The following SLC24A3 variants were observed in gnomAD, a reference collection of about 807,000 sequenced individuals.
SLC24A3 encodes the protein sodium/potassium/calcium exchanger 3.
In SLC24A3, 28 loss-of-function variants were observed where a neutral mutation model predicts 75.8. That is an observed-to-expected ratio of 0.37 (90% CI 0.27 to 0.51). The LOEUF is 0.51. Ranked by LOEUF, SLC24A3 falls within the 20% of genes least tolerant of loss-of-function variation. The pLI, the probability that SLC24A3 is intolerant of heterozygous loss-of-function variation, is 0.94. For synonymous variants in SLC24A3, 372 were observed against 334.1 expected, an observed-to-expected ratio of 1.11 and a Z score of -1.24; for missense variants, 663 against 847.8, an observed-to-expected ratio of 0.78 and a Z score of 2.71.
chr20:19,218,050 C>G (rs926473385), intron 1 of SLC24A3, among the ~76,000 whole-genome samples: 1 of 152,098 alleles, frequency 6.6e-6, no homozygotes, highest in Non-Finnish European at 1.5e-5. Context: ...CTCTGTACCC[C>G]AGTCACTGGC....
intron 3 of SLC24A3, among the ~76,000 whole-genome samples, chr20:19,570,614 A>G (rs2122621364): frequency 6.6e-6 from 1 of 152,324 alleles, no homozygotes; most frequent in South Asian, 2.1e-4. Flanking sequence ...TACTTTGTTA[A>G]TACATTGGAT....
At chr20:19,461,219 A>C (rs1987665016) in intron 2 of SLC24A3, among the ~76,000 whole-genome samples, 1 of 152,196 alleles carries the variant, frequency 6.6e-6, no homozygotes, top group South Asian at 2.1e-4. Flanking sequence ...GCCAAGCCTG[A>C]GTTCACTCCA....
At chr20:19,326,994 G>T (rs1218401605) in intron 2 of SLC24A3, among the ~76,000 whole-genome samples, 1 of 152,196 alleles carries the variant, frequency 6.6e-6, no homozygotes, top group Non-Finnish European at 1.5e-5. Context: ...CTGGGAAAGA[G>T]TTGCGGCCTT....
At chr20:19,393,016 G>T (rs557222044) in intron 2 of SLC24A3, among the ~76,000 whole-genome samples, 10 of 152,136 alleles carry the variant, frequency 6.6e-5, no homozygotes, top group African/African-American at 1.9e-4. Flanking sequence ...ATCACACCTG[G>T]TTATCCTCAA....
chr20:19,661,272 T>C (rs2032323278), intron 7 of SLC24A3, among the ~76,000 whole-genome samples: 1 of 152,202 alleles, frequency 6.6e-6, no homozygotes, highest in South Asian at 2.1e-4. Flanking sequence ...GGTCATTTTT[T>C]CCCTGCCCTT....
intron 2 of SLC24A3, among the ~76,000 whole-genome samples, chr20:19,297,531 T>C (rs1984090214): frequency 6.6e-6 from 1 of 152,238 alleles, no homozygotes; most frequent in East Asian, 1.9e-4. Flanking sequence ...TGCTTTTGGA[T>C]GTAAGGCTTC....
intron 2 of SLC24A3, among the ~76,000 whole-genome samples, chr20:19,495,591 T>C (rs3790229): frequency 0.45 from 67,746 of 152,010 alleles, 15,563 homozygotes; most frequent in African/African-American, 0.55. Context: ...ACAGCTTCCC[T>C]CAGGAAAGGC....
At chr20:19,283,579 C>A (rs1234217538) in intron 2 of SLC24A3, among the ~76,000 whole-genome samples, 1 of 152,180 alleles carries the variant, frequency 6.6e-6, no homozygotes, top group Non-Finnish European at 1.5e-5. Flanking sequence ...TCCTGTCTTT[C>A]CAGCCCAATT....
chr20:19,595,409 A>G lies in SLC24A3; in HGVS notation c.612+9865A>G, dbSNP rs1349649312. ...CAGGGCAGGGGAGGATGAGTATATG[A>G]TCAGAGTTCACAGGGCCCTTCAGCT... On this transcript the variant is annotated intron_variant, in intron 6 of 16. Transcript: ENST00000328041. Among the ~76,000 whole-genome samples the G allele has an allele frequency of 1.3e-5, 2 of 152,124 alleles. 1 individual carries two copies. The highest frequency in any genetic ancestry group is 3.9e-4 in the East Asian group (2 of 5,180).
At chr20:19,482,296 TCTC>T (rs1183776646) in intron 2 of SLC24A3, among the ~76,000 whole-genome samples, 17 of 151,998 alleles carry the variant, frequency 1.1e-4, no homozygotes, top group African/African-American at 4.1e-4. Flanking sequence ...CAAGCCTCAT[TCTC>T]CTTCTTCAGC....
chr20:19,253,926 G>A (rs1272834696), intron 1 of SLC24A3, among the ~76,000 whole-genome samples: 2 of 152,170 alleles, frequency 1.3e-5, no homozygotes. Context: ...AGAGGACCCA[G>A]TGGGAGACAG....
intron 6 of SLC24A3, among the ~76,000 whole-genome samples, chr20:19,623,053 C>T (rs1050428491): frequency 1.3e-5 from 2 of 152,226 alleles, no homozygotes; most frequent in African/African-American, 4.8e-5. Context: ...ACCTCCAACA[C>T]TGGAGATCAA....
rs368651686 is a variant in SLC24A3 at position 19,502,868 on chromosome 20, CAAAAA to C, written c.272-12601_272-12597del. On this transcript the variant is annotated intron_variant, in intron 2 of 16. Transcript: ENST00000328041. ...TGACATAGCAAGACCCTGTCTCTAC[CAAAAA>C]AAAAAAAAAAAAAAAAAATAGCTGG... 4.8e-4 allele frequency among the ~76,000 whole-genome samples: 35 copies of C among 72,206 alleles called. No homozygotes were observed. In the East Asian group the frequency reaches 6.7e-3, roughly 14 times the overall value. 47.4% of individuals were successfully genotyped at this position (72,206 alleles called of 152,430 possible). A position where few individuals can be genotyped will look rare whatever the true frequency, so the allele number is the denominator to read the frequency against.
intron 2 of SLC24A3, among the ~76,000 whole-genome samples, chr20:19,513,225 T>G (rs564082132): frequency 6.6e-6 from 1 of 152,194 alleles, no homozygotes; most frequent in African/African-American, 2.4e-5. Flanking sequence ...CAGAATGGAA[T>G]TGCAGATCCA....
At chr20:19,642,964 T>C (rs746784349) in intron 6 of SLC24A3, among the ~76,000 whole-genome samples, 8 of 152,220 alleles carry the variant, frequency 5.3e-5, no homozygotes, top group Admixed American at 1.3e-4. Flanking sequence ...GAAATGTCCT[T>C]GTGTTCGATT....
chr20:19,386,630 C>T (rs6136701), intron 2 of SLC24A3, among the ~76,000 whole-genome samples: 35,007 of 151,998 alleles, frequency 0.23, 7,773 homozygotes, highest in African/African-American at 0.56. Context: ...TGAAAGGATG[C>T]CAGACTTTGT....
intron 2 of SLC24A3, among the ~76,000 whole-genome samples, chr20:19,316,624 G>A (rs5007256): frequency 0.089 from 13,585 of 152,128 alleles, 1,936 homozygotes; most frequent in African/African-American, 0.31. Flanking sequence ...AAGTCGTGCC[G>A]ACTCCCCCTG....
chr20:19,502,058 G>A (rs1328510123), intron 2 of SLC24A3, among the ~76,000 whole-genome samples: 1 of 152,026 alleles, frequency 6.6e-6, no homozygotes, highest in Non-Finnish European at 1.5e-5. Context: ...GAGACTGGAG[G>A]GGATATGAAC....
chr20:19,651,375 A>T (rs1269588653), intron 6 of SLC24A3, among the ~76,000 whole-genome samples: 1 of 79,742 alleles, frequency 1.3e-5, no homozygotes, highest in Admixed American at 1.1e-4. Flanking sequence ...TTTTTATTAT[A>T]TATATATATA....
Sources: allele counts gnomAD v4.1 joint callset (sites outside exome capture counted in the v4.1 genomes callset), GRCh38; gene constraint gnomAD v4.1.1; transcripts MANE v1.5; gene names NCBI Gene and HGNC (gene_info 2026-07-23, HGNC 2026-07-21).